The following BIRC6 variants were observed in gnomAD, a reference collection of about 807,000 sequenced individuals.
The protein encoded by BIRC6 is baculoviral IAP repeat containing 6, also known as dual E2 ubiquitin-conjugating enzyme/E3 ubiquitin-protein ligase BIRC6.
Under a neutral mutation model 503.3 loss-of-function variants are expected in BIRC6, and 98 were observed. The observed-to-expected ratio is 0.19, with a 90% CI of 0.17 to 0.23. The LOEUF is 0.23. BIRC6 is among the 10% of genes least tolerant of loss of function. The pLI is 1.00. For synonymous variants in BIRC6, 2,240 were observed against 2,078.7 expected (o/e 1.08, Z -2.11); for missense variants, 5,360 against 5,806.0 (o/e 0.92, Z 2.50).
In BIRC6 at chr2:32,392,163, T is replaced by G; in HGVS notation, c.951+13T>G. On this transcript the variant is annotated intron_variant, in intron 5 of 73. Transcript: ENST00000421745. Reference sequence around the variant, plus strand: ...ATTTTATCATCAGGTAAAAAAAGAATATAAAAAAATACTTTTCTCAGTAGG... The same window carrying G: ...ATTTTATCATCAGGTAAAAAAAGAAGATAAAAAAATACTTTTCTCAGTAGG... 6.6e-7 allele frequency: 1 copy of G among 1,513,678 alleles called. No individual in the cohort carries two copies. Among genetic ancestry groups the G allele is most frequent in the Non-Finnish European group, 9.0e-7 (1 of 1,116,116 alleles). 93.8% of individuals were successfully genotyped at this position (1,513,678 alleles called of 1,614,324 possible). A position where few individuals can be genotyped will look rare whatever the true frequency, so the allele number is the denominator to read the frequency against.
chr2:32,592,858 GTGC>G (rs1268080477), intron 66 of BIRC6, among the ~76,000 whole-genome samples: 2 of 151,954 alleles, frequency 1.3e-5, no homozygotes, highest in Non-Finnish European at 2.9e-5. Flanking sequence ...GCCTCCCAAA[GTGC>G]TGGGATTACA....
At chr2:32,452,672 C>G (rs924056785) in intron 22 of BIRC6, among the ~76,000 whole-genome samples, 6 of 152,058 alleles carry the variant, frequency 3.9e-5, no homozygotes, top group African/African-American at 4.8e-5. Flanking sequence ...GTTAGAGAAG[C>G]ATTTTATTAT....
chr2:32,482,407 GT>G (rs763499904), intron 38 of BIRC6, 21 bp from the exon 39 acceptor site: 11 of 1,602,886 alleles, frequency 6.9e-6, no homozygotes, highest in East Asian at 2.2e-5. Context: ...ATAAACCACA[GT>G]TTTTTTTCCA....
chr2:32,592,996 CT>C (rs2061477238), intron 66 of BIRC6, among the ~76,000 whole-genome samples: 1 of 152,180 alleles, frequency 6.6e-6, no homozygotes, highest in Non-Finnish European at 1.5e-5. Context: ...GACCAAGTCC[CT>C]TTTTAGGTAG....
chr2:32,457,868 T>C (rs2047418449), intron 23 of BIRC6, among the ~76,000 whole-genome samples: 1 of 152,160 alleles, frequency 6.6e-6, no homozygotes, highest in African/African-American at 2.4e-5. Context: ...GATTCCAATA[T>C]CATTGTTATT....
chr2:32,462,153 A>C (rs2048066535), intron 23 of BIRC6, among the ~76,000 whole-genome samples: 1 of 152,170 alleles, frequency 6.6e-6, no homozygotes, highest in African/African-American at 2.4e-5. Flanking sequence ...ATGGTAATGC[A>C]TACTAAATAT....
At chr2:32,561,839 C>T (rs1410835962) in intron 65 of BIRC6, among the ~76,000 whole-genome samples, 1 of 150,516 alleles carries the variant, frequency 6.6e-6, no homozygotes, top group African/African-American at 2.4e-5. Flanking sequence ...GTCAGGAGTT[C>T]GAGACCAGCC....
At chr2:32,477,802 A>G (rs1371182901) in intron 35 of BIRC6, among the ~76,000 whole-genome samples, 1 of 151,236 alleles carries the variant, frequency 6.6e-6, no homozygotes, top group Non-Finnish European at 1.5e-5. Flanking sequence ...GTTTTTAGTC[A>G]ATTTTCATTA....
chr2:32,616,400 A>G (rs2063241236), intron 73 of BIRC6, among the ~76,000 whole-genome samples: 1 of 151,818 alleles, frequency 6.6e-6, no homozygotes, highest in Admixed American at 6.6e-5. Flanking sequence ...TCTACCAAAA[A>G]CACAAAAAAA....
At chr2:32,500,363 C>T (rs908088492) in intron 46 of BIRC6, among the ~76,000 whole-genome samples, 2 of 151,084 alleles carry the variant, frequency 1.3e-5, no homozygotes, top group African/African-American at 4.9e-5. Context: ...AAGCAATTCT[C>T]GTGCCTCAGC....
At chr2:32,471,203 G>A in intron 32 of BIRC6, 79 bp downstream of exon 32, 1 of 1,521,698 alleles carries the variant, frequency 6.6e-7, no homozygotes, top group Non-Finnish European at 8.9e-7. Context: ...TGACTTCGCA[G>A]TTGTTCCAGA....
At chr2:32,492,148 A>G (rs917984774) in intron 44 of BIRC6, among the ~76,000 whole-genome samples, 1 of 152,092 alleles carries the variant, frequency 6.6e-6, no homozygotes, top group Non-Finnish European at 1.5e-5. Flanking sequence ...AAGATTATTC[A>G]AGATTATCTT....
Position 32,524,889 on chromosome 2 carries a change from T to C in BIRC6, c.11625T>C (p.Asp3875=). 1 of 1,447,418 alleles carries C rather than the reference T, an allele frequency of 6.9e-7. No homozygotes were observed. Among genetic ancestry groups the C allele is most frequent in the Non-Finnish European group, 9.2e-7 (1 of 1,082,522 alleles). The allele number at this position is 1,447,418 out of a possible 1,614,324, so 89.7% of individuals were successfully genotyped here. Residue 3875 remains aspartate, a splice_region_variant and synonymous_variant, in exon 58 of 74, where the codon GAT becomes GAC. Coordinates refer to ENST00000421745, the MANE Select transcript of BIRC6 (RefSeq NM_016252.4). The part of the protein sequence containing the change: ...TLSDVLDRVS[D]TPSITAKLIS... The stretch of plus-strand genomic sequence containing the variant: ...ATTTTAGATAATATCTTCTTACAGA[T>C]ACTCCAAGTATCACAGCTAAATTAA...
chr2:32,554,670 AT>A (rs1393255072), intron 65 of BIRC6, among the ~76,000 whole-genome samples: 4 of 152,220 alleles, frequency 2.6e-5, no homozygotes, highest in Non-Finnish European at 2.9e-5. Context: ...ACAAACTATA[AT>A]GTGTCAAAAC....
In BIRC6 at chr2:32,357,193, G is replaced by C; in HGVS notation, c.32G>C (p.Gly11Ala). Reference sequence around the variant, plus strand: ...ACTGGTGGTGGTGCTGCACCTCCCGGGACTGTCACTGAGCCGCTTCCCAGT... The same window carrying C: ...ACTGGTGGTGGTGCTGCACCTCCCGCGACTGTCACTGAGCCGCTTCCCAGT... MVTGGGAAPP[G>A]TVTEPLPSVI... The change falls in exon 1 of 74, where the codon GGG (glycine) becomes GCG (alanine). Residue 11 changes from glycine (G) to alanine (A), a missense_variant. Around this residue, in one of 16 missense-constraint regions of BIRC6, gnomAD observed 145 missense variants for 106.9 expected, o/e 1.36. Transcript: ENST00000421745. The surrounding 1 kb of genome is among the most constrained non-coding windows in gnomAD (Gnocchi z 4.9). The C allele has an allele frequency of 6.5e-7, 1 of 1,539,958 alleles. No homozygotes were observed. Among genetic ancestry groups the C allele is most frequent in the Non-Finnish European group, 8.7e-7 (1 of 1,150,224 alleles).
chr2:32,614,332 AT>A (rs2063091430), intron 73 of BIRC6, among the ~76,000 whole-genome samples: 1 of 152,122 alleles, frequency 6.6e-6, no homozygotes, highest in South Asian at 2.1e-4. Flanking sequence ...TACCAGGCTG[AT>A]CTTCCCCAAA....
rs755475198 is a variant in BIRC6 at position 32,476,264 on chromosome 2, A to C, written c.6772A>C (p.Lys2258Gln). ...GAAGGCATTGGTAGAACAGATGGAA[A>C]AAGAAAAAATACAAAGTAACAAAGG... ...KQKALVEQME[K>Q]EKIQSNKGSS... Residue 2258 changes from lysine to glutamine, a missense_variant, in exon 34 of 74, where the codon AAA becomes CAA. Coordinates refer to ENST00000421745, the MANE Select transcript of BIRC6 (RefSeq NM_016252.4). 13 of 1,556,286 alleles carry C rather than the reference A, an allele frequency of 8.4e-6. No homozygotes were observed. The East Asian group carries it at 3.1e-4, about 37-fold the overall frequency.
At chr2:32,540,113 C>T (rs1314659536) in intron 61 of BIRC6, among the ~76,000 whole-genome samples, 5 of 152,168 alleles carry the variant, frequency 3.3e-5, no homozygotes, top group Middle Eastern at 3.4e-3. Flanking sequence ...TATGTATACA[C>T]TTATGCAGAA....
Position 32,439,186 on chromosome 2 carries a change from T to TGTGC in BIRC6, c.3632-318_3632-315dup, listed in dbSNP as rs545380242. Among the ~76,000 whole-genome samples, 987 of 151,812 alleles carry TGTGC rather than the reference T, an allele frequency of 6.5e-3. 10 individuals are homozygous for TGTGC. Among genetic ancestry groups the TGTGC allele is most frequent in the African/African-American group, 0.023 (936 of 41,434 alleles). On this transcript the variant is annotated intron_variant, in intron 15 of 73. Coordinates refer to ENST00000421745, the MANE Select transcript of BIRC6 (RefSeq NM_016252.4). ...GCTTAATGACAGTTTTGTGTGTGTG[T>TGTGC]GTGCGTGTGTATGTGTGTGTGTAGT...
Sources: gnomAD v4.1 joint callset for allele counts (sites outside exome capture counted in the v4.1 genomes callset) on GRCh38, gnomAD v4.1.1 for gene constraint, gnomAD v4.1.1 regional missense constraint, Gnocchi (gnomAD v3.1) non-coding constraint, MANE v1.5 for transcripts, NCBI Gene and HGNC (gene_info 2026-07-23, HGNC 2026-07-21) for gene names.